Variants in ZNF804B observed in about 807,000 individuals in gnomAD.
The protein encoded by ZNF804B is zinc finger protein 804B.
In ZNF804B, 80 loss-of-function variants were observed where a neutral mutation model predicts 101.4. The ratio of observed to expected loss-of-function variants is 0.79; its 90% confidence interval spans 0.66 to 0.95. The LOEUF is 0.95. ZNF804B is among the 40% of genes least tolerant of loss of function. ZNF804B has a pLI of 0.00. For missense variants in ZNF804B, 1,673 were observed against 1,561.9 expected, an observed-to-expected ratio of 1.07 and a Z score of -1.20; for synonymous variants, 622 against 558.8, an observed-to-expected ratio of 1.11 and a Z score of -1.59.
At chr7:89,008,434 G>A (rs1788402504) in intron 1 of ZNF804B, among the ~76,000 whole-genome samples, 2 of 152,126 alleles carry the variant, frequency 1.3e-5, no homozygotes, top group African/African-American at 2.4e-5. Context: ...ATCTGCCCAT[G>A]CTACTAAGTC....
At chr7:89,044,055 A>G (rs1789062038) in intron 1 of ZNF804B, among the ~76,000 whole-genome samples, 1 of 152,220 alleles carries the variant, frequency 6.6e-6, no homozygotes, top group Non-Finnish European at 1.5e-5. Flanking sequence ...GAAATAAGCC[A>G]GACACAGAAA....
chr7:89,329,183 C>A (rs1790940580), intron 3 of ZNF804B, among the ~76,000 whole-genome samples: 1 of 151,718 alleles, frequency 6.6e-6, no homozygotes, highest in South Asian at 2.1e-4. Flanking sequence ...GGCAAACTCT[C>A]TAGGTCACAA....
At chr7:89,300,231 G>A (rs1790452865) in intron 2 of ZNF804B, among the ~76,000 whole-genome samples, 1 of 151,570 alleles carries the variant, frequency 6.6e-6, no homozygotes, top group African/African-American at 2.4e-5. Context: ...TGGCTTAAAA[G>A]CCCTTCATAA....
chr7:89,136,740 TGTG>T (rs1562894055), intron 1 of ZNF804B, among the ~76,000 whole-genome samples: 1 of 100,270 alleles, frequency 1.0e-5, no homozygotes, highest in African/African-American at 3.9e-5. Context: ...TGTGTGAGTG[TGTG>T]TGTGTGTGTG....
chr7:89,006,688 A>G (rs1328730626), intron 1 of ZNF804B, among the ~76,000 whole-genome samples: 2 of 152,156 alleles, frequency 1.3e-5, no homozygotes, highest in Non-Finnish European at 2.9e-5. Flanking sequence ...GAGGTAAGAC[A>G]TAGTTCTAAT....
In ZNF804B at chr7:89,190,308, C is replaced by T. The variant is rs547811604; in HGVS notation, c.109-27847C>T. Among the ~76,000 whole-genome samples the T allele has an allele frequency of 2.0e-5, 3 of 148,618 alleles. No individual in the cohort carries two copies. In the South Asian group the frequency reaches 6.4e-4, roughly 32 times the overall value. ...CGAGATCGTGCCATTTCACTCCAGC[C>T]TGGGCAACAAGAGCAAAACTCCGTC... On this transcript the variant is annotated intron_variant, in intron 1 of 3. Transcript: ENST00000333190.
intron 1 of ZNF804B, among the ~76,000 whole-genome samples, chr7:88,879,863 A>G (rs1211487165): frequency 6.6e-6 from 1 of 151,850 alleles, no homozygotes; most frequent in East Asian, 1.9e-4. Flanking sequence ...ACATGGTGAA[A>G]CCCCGTTTCT....
intron 1 of ZNF804B, among the ~76,000 whole-genome samples, chr7:88,935,009 G>T (rs1011705377): frequency 6.6e-6 from 1 of 150,868 alleles, no homozygotes; most frequent in Non-Finnish European, 1.5e-5. Flanking sequence ...GTAAAGAAAA[G>T]GTTATATATA....
At chr7:89,210,164 A>C (rs1203642623) in intron 1 of ZNF804B, among the ~76,000 whole-genome samples, 1 of 151,676 alleles carries the variant, frequency 6.6e-6, no homozygotes, top group African/African-American at 2.4e-5. Context: ...AAAAAGAAAG[A>C]AATCAATCAT....
At chr7:89,015,306 T>C (rs1788529711) in intron 1 of ZNF804B, among the ~76,000 whole-genome samples, 5 of 151,446 alleles carry the variant, frequency 3.3e-5, no homozygotes, top group Admixed American at 3.3e-4. Context: ...GTTTCTTTTT[T>C]CTTTTTTTTT....
At chr7:89,293,496 A>G (rs1020724354) in intron 2 of ZNF804B, among the ~76,000 whole-genome samples, 1 of 152,168 alleles carries the variant, frequency 6.6e-6, no homozygotes, top group African/African-American at 2.4e-5. Context: ...GTAATAATGC[A>G]GAAATGGGCC....
At position 89,334,846 on chromosome 7, in the gene ZNF804B, G is replaced by C. The variant is rs572041926; in HGVS notation, c.1864G>C (p.Asp622His). The part of the protein sequence containing the change: ...GCRKAVLNDI[D>H]EDLSFPSYIS... ...CAGAAAGGCAGTTCTAAATGATATA[G>C]ATGAGGACCTATCTTTTCCTTCCTA... The change falls in exon 4 of 4, where the codon GAT (aspartate) becomes CAT (histidine). Residue 622 changes from aspartate to histidine, a missense_variant. By Grantham distance (81) the Asp-to-His change is moderately conservative. Coordinates refer to ENST00000333190, the MANE Select transcript of ZNF804B (RefSeq NM_181646.5). 1.4e-5 allele frequency: 22 copies of C among 1,613,842 alleles called. 1 individual carries two copies. The South Asian group carries it at 2.4e-4, about 18-fold the overall frequency.
intron 1 of ZNF804B, among the ~76,000 whole-genome samples, chr7:88,888,068 C>A (rs989857056): frequency 3.9e-5 from 6 of 152,010 alleles, no homozygotes; most frequent in African/African-American, 1.5e-4. Flanking sequence ...TATAGATGGA[C>A]ATCATTATGC....
chr7:89,247,861 C>T (rs35118812), intron 2 of ZNF804B, among the ~76,000 whole-genome samples: 2,665 of 152,026 alleles, frequency 0.018, 31 homozygotes, highest in Non-Finnish European at 0.023. Context: ...ATTTCTAATG[C>T]AATTCAGGAA....
chr7:89,263,851 C>T (rs1264789544), intron 2 of ZNF804B, among the ~76,000 whole-genome samples: 1 of 152,100 alleles, frequency 6.6e-6, no homozygotes, highest in African/African-American at 2.4e-5. Context: ...GGAAGTGTAG[C>T]CCTGCTGACA....
In ZNF804B at chr7:88,793,663, T is replaced by C. The variant is rs139819471; in HGVS notation, c.108+33579T>C. On this transcript the variant is annotated intron_variant, in intron 1 of 3. Transcript: ENST00000333190. Reference sequence around the variant, plus strand: ...TTACTTGTGCTCTCAAAGCCCTTCCTATATACTGCTACTATAATGATATAT... The same window carrying C: ...TTACTTGTGCTCTCAAAGCCCTTCCCATATACTGCTACTATAATGATATAT... Among the ~76,000 whole-genome samples, 11 of 152,286 alleles carry C rather than the reference T, an allele frequency of 7.2e-5. No individual in the cohort carries two copies. In the East Asian group the frequency reaches 2.1e-3, roughly 29 times the overall value.
intron 1 of ZNF804B, among the ~76,000 whole-genome samples, chr7:88,893,100 C>T (rs1792236537): frequency 6.6e-6 from 1 of 152,072 alleles, no homozygotes. Flanking sequence ...TCTTATCCCT[C>T]AAGCACTTTG....
At chr7:89,125,737 A>T (rs546013771) in intron 1 of ZNF804B, among the ~76,000 whole-genome samples, 1 of 152,248 alleles carries the variant, frequency 6.6e-6, no homozygotes, top group South Asian at 2.1e-4. Flanking sequence ...TAACAACAGT[A>T]GCCTGTCTAT....
At chr7:89,136,900 G>A (rs1315055744) in intron 1 of ZNF804B, among the ~76,000 whole-genome samples, 1 of 151,978 alleles carries the variant, frequency 6.6e-6, no homozygotes, top group Admixed American at 6.6e-5. Context: ...TCATGATAGT[G>A]AGTAAGTCTC....
Sources: gnomAD v4.1 joint callset for allele counts (sites outside exome capture counted in the v4.1 genomes callset) on GRCh38, gnomAD v4.1.1 for gene constraint, MANE v1.5 for transcripts, NCBI Gene and HGNC (gene_info 2026-07-23, HGNC 2026-07-21) for gene names.